Variants in GLRA3 observed in about 807,000 individuals in gnomAD.
GLRA3 encodes the protein glycine receptor alpha 3.
In GLRA3, 44 loss-of-function variants were observed where a neutral mutation model predicts 60.4. That is an observed-to-expected ratio of 0.73 (90% CI 0.57 to 0.94). GLRA3 has a LOEUF of 0.94. Among genes scored for constraint, GLRA3 ranks in the 40% least tolerant of loss-of-function variants. The pLI, the probability that GLRA3 is intolerant of heterozygous loss-of-function variation, is 0.00. For synonymous variants in GLRA3, 223 were observed against 192.9 expected (o/e 1.16, Z -1.29); for missense variants, 508 against 564.6 (o/e 0.90, Z 1.02).
chr4:174,676,450 T>C (rs4549357), intron 7 of GLRA3, among the ~76,000 whole-genome samples: 149,139 of 152,220 alleles, frequency 0.98, 73,133 homozygotes, highest in East Asian at 1. Flanking sequence ...TCAATGCATA[T>C]GGCTATCACT....
intron 3 of GLRA3, among the ~76,000 whole-genome samples, chr4:174,755,384 T>C (rs759164169): frequency 6.6e-6 from 1 of 151,632 alleles, no homozygotes; most frequent in African/African-American, 2.4e-5. Context: ...AAACAAAATA[T>C]TAAAAAAAGA....
At chr4:174,791,643 G>T (rs1739349411) in intron 1 of GLRA3, among the ~76,000 whole-genome samples, 1 of 152,134 alleles carries the variant, frequency 6.6e-6, no homozygotes, top group East Asian at 1.9e-4. Flanking sequence ...TTTAAAATGT[G>T]CTTAAAATAG....
intron 7 of GLRA3, among the ~76,000 whole-genome samples, 197 bp downstream of exon 7, chr4:174,676,881 C>T (rs746609555): frequency 4.6e-5 from 7 of 151,958 alleles, no homozygotes; most frequent in South Asian, 2.1e-4. Flanking sequence ...ATGTGAATAG[C>T]GGATATCACT....
intron 2 of GLRA3, among the ~76,000 whole-genome samples, chr4:174,774,458 AC>A (rs1738515939): frequency 1.1e-5 from 1 of 94,332 alleles, no homozygotes; most frequent in African/African-American, 3.7e-5. Context: ...CCTGGCAGGC[AC>A]CAACTTAATC....
chr4:174,680,201 A>G (rs1253968751), intron 6 of GLRA3, among the ~76,000 whole-genome samples: 1 of 152,200 alleles, frequency 6.6e-6, no homozygotes, highest in East Asian at 1.9e-4. Context: ...GGATACACAC[A>G]TGAACACAAA....
chr4:174,679,340 A>G (rs533458529), intron 6 of GLRA3, among the ~76,000 whole-genome samples: 52 of 152,130 alleles, frequency 3.4e-4, no homozygotes, highest in African/African-American at 1.1e-3. Context: ...AAACAAAACA[A>G]AGCAAAATAA....
chr4:174,772,999 C>T (rs1394764372), intron 2 of GLRA3, among the ~76,000 whole-genome samples: 1 of 152,164 alleles, frequency 6.6e-6, no homozygotes, highest in East Asian at 1.9e-4. Context: ...TTGGAGTAGT[C>T]TTTCTATCCT....
At chr4:174,732,359 T>G (rs13152389) in intron 3 of GLRA3, among the ~76,000 whole-genome samples, 18,854 of 132,590 alleles carry the variant, frequency 0.14, 1,289 homozygotes, top group Middle Eastern at 0.23. Flanking sequence ...GACTCAAAAA[T>G]TAAAAAAAAA....
At chr4:174,748,907 T>C (rs972157193) in intron 3 of GLRA3, among the ~76,000 whole-genome samples, 2 of 152,102 alleles carry the variant, frequency 1.3e-5, no homozygotes, top group Non-Finnish European at 2.9e-5. Flanking sequence ...GTGATTTCTG[T>C]TTAGTCAATT....
chr4:174,808,930 A>T (rs892165114), intron 1 of GLRA3, among the ~76,000 whole-genome samples: 2 of 152,218 alleles, frequency 1.3e-5, no homozygotes, highest in African/African-American at 4.8e-5. Context: ...TTGAAAGTTT[A>T]TAAAGTAAGA....
At chr4:174,799,134 A>G (rs576147361) in intron 1 of GLRA3, among the ~76,000 whole-genome samples, 50 of 152,310 alleles carry the variant, frequency 3.3e-4, no homozygotes, top group African/African-American at 1.2e-3. Flanking sequence ...CTGCTTCCTG[A>G]TATCTTAGGC....
chr4:174,761,780 G>A (rs1261675706), intron 3 of GLRA3, among the ~76,000 whole-genome samples: 3 of 152,058 alleles, frequency 2.0e-5, no homozygotes, highest in African/African-American at 7.2e-5. Context: ...GCAGGCTCTG[G>A]GATGCTACTT....
intron 5 of GLRA3, among the ~76,000 whole-genome samples, chr4:174,695,319 A>G (rs1735007640): frequency 6.6e-6 from 1 of 152,158 alleles, no homozygotes. Context: ...TCCTTGAAGA[A>G]CATCGGTGCA....
intron 3 of GLRA3, among the ~76,000 whole-genome samples, chr4:174,732,823 G>A (rs1295477182): frequency 6.6e-6 from 1 of 151,810 alleles, no homozygotes; most frequent in East Asian, 1.9e-4. Flanking sequence ...GTGTATGTAT[G>A]TGTATGTGTG....
chr4:174,684,368 T>C (rs1287654582), intron 5 of GLRA3, among the ~76,000 whole-genome samples: 2 of 152,132 alleles, frequency 1.3e-5, no homozygotes, highest in Admixed American at 6.5e-5. Flanking sequence ...TCATTAAACA[T>C]GGGACAGTTT....
intron 3 of GLRA3, among the ~76,000 whole-genome samples, chr4:174,751,238 A>T (rs1338021339): frequency 6.6e-6 from 1 of 152,148 alleles, no homozygotes; most frequent in Non-Finnish European, 1.5e-5. Context: ...TGTAAATTTC[A>T]CAAAGAATTT....
chr4:174,650,344 T>C (rs569591240), intron 9 of GLRA3, among the ~76,000 whole-genome samples: 2 of 152,178 alleles, frequency 1.3e-5, no homozygotes, highest in Non-Finnish European at 2.9e-5. Flanking sequence ...AAGCACGCAG[T>C]AGCCAAGCTG....
chr4:174,810,476 A>G (rs1166341085), intron 1 of GLRA3, among the ~76,000 whole-genome samples: 2 of 151,740 alleles, frequency 1.3e-5, no homozygotes, highest in African/African-American at 4.8e-5. Context: ...ATTTGTGGTC[A>G]CATATATTTG....
chr4:174,737,829 T>C (rs1346575629), intron 3 of GLRA3, among the ~76,000 whole-genome samples: 1 of 152,182 alleles, frequency 6.6e-6, no homozygotes, highest in Non-Finnish European at 1.5e-5. Context: ...ATGCTTGTTA[T>C]CACAGTTTTA....
Sources: gnomAD v4.1 joint callset for allele counts (sites outside exome capture counted in the v4.1 genomes callset) on GRCh38, gnomAD v4.1.1 for gene constraint, MANE v1.5 for transcripts, NCBI Gene and HGNC (gene_info 2026-07-23, HGNC 2026-07-21) for gene names.